CALN1: variants seen among roughly 807,000 people sequenced by gnomAD.
CALN1 encodes the protein calneuron 1.
A neutral mutation model predicts 30.6 loss-of-function variants in CALN1; 17 were observed. The observed-to-expected ratio is 0.56, with a 90% CI of 0.38 to 0.83. CALN1 has a LOEUF of 0.83. Ranked by LOEUF, CALN1 falls within the 40% of genes least tolerant of loss-of-function variation. The pLI is 0.00. For missense variants in CALN1, 291 were observed against 354.9 expected (o/e 0.82, Z 1.45); for synonymous variants, 156 against 131.4 (o/e 1.19, Z -1.28).
At chr7:72,470,283 C>T in the CALN1 span, among the ~76,000 whole-genome samples, 1 of 152,110 alleles carries the variant, frequency 6.6e-6, no homozygotes, top group African/African-American at 2.4e-5. Flanking sequence ...GTGGCTCATA[C>T]CTGTAATCCC....
chr7:72,349,734 T>TC (rs1802827107), intron 2 of CALN1, among the ~76,000 whole-genome samples: 1 of 152,220 alleles, frequency 6.6e-6, no homozygotes, highest in South Asian at 2.1e-4. Context: ...CATGTATATG[T>TC]CTTCTTTTGA....
intron 4 of CALN1, among the ~76,000 whole-genome samples, chr7:72,065,343 C>CA (rs895191963): frequency 2.0e-5 from 3 of 151,976 alleles, no homozygotes; most frequent in Admixed American, 2.0e-4. Flanking sequence ...TACTTTCCAT[C>CA]AAACTCTTGC....
intron 5 of CALN1, among the ~76,000 whole-genome samples, chr7:71,908,052 T>C (rs1449062320): frequency 6.6e-6 from 1 of 152,236 alleles, no homozygotes; most frequent in African/African-American, 2.4e-5. Flanking sequence ...TTTCGGGTTA[T>C]TGCTCCAATC....
At chr7:72,477,236 C>T in the CALN1 span, among the ~76,000 whole-genome samples, 30 of 150,362 alleles carry the variant, frequency 2.0e-4, no homozygotes, top group Non-Finnish European at 3.4e-4. Flanking sequence ...AAGGTGCATG[C>T]CCTGAGAACA....
the CALN1 span, among the ~76,000 whole-genome samples, chr7:72,491,575 A>G: frequency 6.6e-6 from 1 of 152,188 alleles, no homozygotes. Context: ...TCTCAAAAAG[A>G]GAAAAAAATG....
chr7:71,792,507 T>C (rs1359990875), intron 6 of CALN1, among the ~76,000 whole-genome samples: 1 of 152,130 alleles, frequency 6.6e-6, no homozygotes, highest in East Asian at 1.9e-4. Flanking sequence ...GCTGTTTAGG[T>C]GTGGGTCTCA....
rs536413206 is a variant in CALN1 at position 72,162,963 on chromosome 7, A to G, written c.245-56669T>C. 4.2e-4 allele frequency among the ~76,000 whole-genome samples: 64 copies of G among 152,342 alleles called. 2 individuals are homozygous for G. The highest frequency in any genetic ancestry group is 1.2e-4 in the Non-Finnish European group (8 of 68,036). ...GAGCTGCACAGGGCAAAGCCTTTCA[A>G]ATCCACAGCTGACCTCTGAACTGCT... On this transcript the variant is annotated intron_variant, in intron 3 of 6. Transcript: ENST00000395275.
chr7:72,273,542 T>G (rs1337325824), intron 3 of CALN1, among the ~76,000 whole-genome samples: 1 of 149,258 alleles, frequency 6.7e-6, no homozygotes, highest in Non-Finnish European at 1.5e-5. Context: ...AGACAGGGTC[T>G]TTCTTTCTCA....
At chr7:71,949,300 G>A (rs10252758) in intron 5 of CALN1, among the ~76,000 whole-genome samples, 77,213 of 151,924 alleles carry the variant, frequency 0.51, 19,995 homozygotes, top group South Asian at 0.59. Flanking sequence ...AAGGGTGTAC[G>A]TCGAGTAAGT....
chr7:71,866,154 T>C (rs1791575230), intron 5 of CALN1, among the ~76,000 whole-genome samples: 1 of 151,846 alleles, frequency 6.6e-6, no homozygotes, highest in Non-Finnish European at 1.5e-5. Flanking sequence ...TGCAGGCACG[T>C]GCCACCACAC....
chr7:71,971,930 C>CAAAAAAAAA (rs764756514), intron 5 of CALN1, among the ~76,000 whole-genome samples: 6 of 38,548 alleles, frequency 1.6e-4, no homozygotes, highest in Non-Finnish European at 2.0e-4. Context: ...GACCCTGTCT[C>CAAAAAAAAA]AAAAAAAAAA....
At chr7:71,873,001 A>ATTTTTTTTTTTTTTT (rs371153112) in intron 5 of CALN1, among the ~76,000 whole-genome samples, 1 of 115,618 alleles carries the variant, frequency 8.6e-6, no homozygotes, top group African/African-American at 3.6e-5. Context: ...GTTTGTGACA[A>ATTTTTTTTTTTTTTT]TTTTTTTTTT....
chr7:71,788,718 CAT>C lies in CALN1; in HGVS notation c.659-818_659-817del, dbSNP rs1379663519. 5.1e-3 allele frequency among the ~76,000 whole-genome samples: 778 copies of C among 152,054 alleles called. 16 individuals are homozygous for C. In the East Asian group the frequency reaches 0.085, roughly 17 times the overall value. On this transcript the variant is annotated intron_variant, in intron 6 of 6. Transcript: ENST00000395275. ...TGTCACCCAGGCTGGAGTGCAGTGG[CAT>C]GATCTTGGCTCACTACAAGCTCCAC... is the stretch of plus-strand genomic sequence containing the variant.
At chr7:71,803,738 G>A (rs953897657) in intron 6 of CALN1, among the ~76,000 whole-genome samples, 1 of 152,134 alleles carries the variant, frequency 6.6e-6, no homozygotes, top group African/African-American at 2.4e-5. Context: ...GCCTCCCAAA[G>A]TGCTGGGTTC....
At chr7:72,440,235 T>C (rs1808306607) in intron 1 of CALN1, among the ~76,000 whole-genome samples, 1 of 152,212 alleles carries the variant, frequency 6.6e-6, no homozygotes, top group Non-Finnish European at 1.5e-5. Context: ...GTCTGGGTCC[T>C]GGTTAGGTAG....
At chr7:72,276,796 T>C (rs1292905901) in intron 3 of CALN1, among the ~76,000 whole-genome samples, 1 of 152,138 alleles carries the variant, frequency 6.6e-6, no homozygotes, top group African/African-American at 2.4e-5. Context: ...TTCAGAACCA[T>C]CAGCCAAATA....
intron 5 of CALN1, chr7:71,942,282 TATCA>T (rs1200902090): frequency 3.9e-5 from 8 of 206,800 alleles, no homozygotes; most frequent in South Asian, 2.1e-4. Flanking sequence ...ACGTGCAGCC[TATCA>T]AGCTGGCCAG....
At chr7:71,946,684 TACATCATTTTCCC>T (rs1192151553) in intron 5 of CALN1, among the ~76,000 whole-genome samples, 1 of 151,852 alleles carries the variant, frequency 6.6e-6, no homozygotes, top group Non-Finnish European at 1.5e-5. Flanking sequence ...TACATACACA[TACATCATTTTCCC>T]ACATCTGTCA....
At chr7:71,991,059 C>G (rs1798926047) in intron 5 of CALN1, among the ~76,000 whole-genome samples, 1 of 147,952 alleles carries the variant, frequency 6.8e-6, no homozygotes, top group Non-Finnish European at 1.5e-5. Context: ...GGGGGGGGGT[C>G]GACAAATATG....
Sources: allele counts gnomAD v4.1 joint callset (sites outside exome capture counted in the v4.1 genomes callset), GRCh38; gene constraint gnomAD v4.1.1; transcripts MANE v1.5; gene names NCBI Gene and HGNC (gene_info 2026-07-23, HGNC 2026-07-21).